The following NLGN4X variants were observed in gnomAD, a reference collection of about 807,000 sequenced individuals.
NLGN4X encodes the protein neuroligin-4, X-linked.
Under a neutral mutation model 40.3 loss-of-function variants are expected in NLGN4X, and 3 were observed. That is an observed-to-expected ratio of 0.07 (90% CI 0.03 to 0.19). The LOEUF (loss-of-function observed/expected upper bound fraction) is 0.19. Among genes scored for constraint, NLGN4X ranks in the 10% least tolerant of loss-of-function variants. The pLI, the probability that NLGN4X is intolerant of heterozygous loss-of-function variation, is 1.00. For missense variants in NLGN4X, 382 were observed against 708.3 expected (o/e 0.54, Z 5.23); for synonymous variants, 270 against 306.8 (o/e 0.88, Z 1.25).
At chrX:6,056,306 T>A (rs1311384284) in intron 2 of NLGN4X, among the ~76,000 whole-genome samples, 1 of 110,923 alleles carries the variant, frequency 9.0e-6, no homozygotes, top group Non-Finnish European at 1.9e-5. Context: ...CAAAACCCCA[T>A]CTCTATTAAA....
chrX:6,069,519 C>T (rs2038007791), intron 2 of NLGN4X, among the ~76,000 whole-genome samples: 1 of 111,724 alleles, frequency 9.0e-6, no homozygotes, highest in South Asian at 3.7e-4. Flanking sequence ...CAAAAATTCA[C>T]TTTAAAATAT....
intron 1 of NLGN4X, among the ~76,000 whole-genome samples, chrX:6,155,071 T>C (rs1465685807): frequency 9.0e-6 from 1 of 111,729 alleles, no homozygotes; most frequent in Non-Finnish European, 1.9e-5. Context: ...TCACATCTCC[T>C]GGGTGTTTAT....
intron 3 of NLGN4X, among the ~76,000 whole-genome samples, chrX:5,985,610 A>G (rs943098487): frequency 2.7e-5 from 3 of 111,554 alleles, no homozygotes; most frequent in Admixed American, 9.6e-5. Flanking sequence ...TTAAAAAGCA[A>G]TTCAAGCAAG....
intron 1 of NLGN4X, among the ~76,000 whole-genome samples, chrX:6,161,497 C>G (rs1050572934): frequency 9.9e-6 from 1 of 101,356 alleles, no homozygotes; most frequent in African/African-American, 3.5e-5. Flanking sequence ...ATTCTATATA[C>G]ATAGAATAAT....
chrX:6,051,522 A>G (rs902752507), intron 2 of NLGN4X, among the ~76,000 whole-genome samples: 3 of 111,139 alleles, frequency 2.7e-5, no homozygotes, highest in Admixed American at 1.9e-4. Context: ...GAAGACAGAC[A>G]TTGAAGTGAC....
chrX:5,973,350 A>T (rs1425344421), intron 3 of NLGN4X, among the ~76,000 whole-genome samples: 1 of 112,685 alleles, frequency 8.9e-6, no homozygotes, highest in Admixed American at 9.4e-5. Flanking sequence ...CACATTTACT[A>T]TCTGGTCCTT....
At chrX:5,961,653 A>T (rs1351203391) in intron 3 of NLGN4X, among the ~76,000 whole-genome samples, 4 of 112,255 alleles carry the variant, frequency 3.6e-5, no homozygotes, top group African/African-American at 6.5e-5. Context: ...CATAAGACAC[A>T]GGAGCTTAAA....
At chrX:5,978,274 TTCTTTCTTTCTTTCTTTCTTTCTTTC>T (rs1485683696) in intron 3 of NLGN4X, among the ~76,000 whole-genome samples, 5 of 1,171 alleles carry the variant, frequency 4.3e-3, no homozygotes, top group Non-Finnish European at 6.5e-3. Flanking sequence ...GTCTCTTTTT[TTCTTTCTTTCTTTCTTTCTTTCTTTC>T]TTTCTTTCTT....
intron 1 of NLGN4X, among the ~76,000 whole-genome samples, chrX:6,185,116 C>T (rs1050209184): frequency 9.8e-5 from 11 of 112,505 alleles, no homozygotes; most frequent in Non-Finnish European, 1.9e-4. Context: ...GTGATACATA[C>T]TTGGCAGCAT....
intron 2 of NLGN4X, among the ~76,000 whole-genome samples, chrX:6,120,620 T>TG (rs2039402015): frequency 8.9e-6 from 1 of 111,982 alleles, no homozygotes; most frequent in African/African-American, 3.2e-5. Flanking sequence ...ACCTGCTGAA[T>TG]GTCAATGCTT....
intron 3 of NLGN4X, among the ~76,000 whole-genome samples, chrX:5,915,018 G>A (rs1024328682): frequency 2.7e-4 from 30 of 112,721 alleles, no homozygotes; most frequent in Non-Finnish European, 5.2e-4. Flanking sequence ...CTGATGCACT[G>A]CATTCAAATT....
intron 1 of NLGN4X, among the ~76,000 whole-genome samples, chrX:6,216,760 C>G (rs1335467528): frequency 8.9e-6 from 1 of 112,189 alleles, no homozygotes; most frequent in Admixed American, 9.4e-5. Flanking sequence ...TAACACCAAT[C>G]AAATTCTGTC....
intron 1 of NLGN4X, among the ~76,000 whole-genome samples, chrX:6,154,893 T>A (rs916419460): frequency 8.9e-6 from 1 of 111,977 alleles, no homozygotes. Flanking sequence ...AGGCTCACAC[T>A]CTTCAGGCCT....
In NLGN4X at chrX:6,046,369, C is replaced by A. The variant is rs926035322; in HGVS notation, c.473-16937G>T. On this transcript the variant is annotated intron_variant, in intron 2 of 5. Coordinates refer to ENST00000381095, the MANE Select transcript of NLGN4X (RefSeq NM_181332.3). Reference sequence around the variant, plus strand: ...CAACTACAGATAATTATAGCTGGAACAAAGGAAGCTTTTTCCCATCATTAC... The same window carrying A: ...CAACTACAGATAATTATAGCTGGAAAAAAGGAAGCTTTTTCCCATCATTAC... 4.5e-5 allele frequency among the ~76,000 whole-genome samples: 5 copies of A among 111,223 alleles called. No homozygotes were observed. In the Admixed American group the frequency reaches 4.8e-4, roughly 11 times the overall value.
At chrX:6,024,015 T>C (rs781546458) in intron 3 of NLGN4X, among the ~76,000 whole-genome samples, 3 of 110,909 alleles carry the variant, frequency 2.7e-5, no homozygotes, top group Admixed American at 1.9e-4. Flanking sequence ...AAAAACAGAT[T>C]GGGGAGAACT....
intron 3 of NLGN4X, among the ~76,000 whole-genome samples, chrX:5,941,180 G>GGGGTGTGT (rs1410112176): frequency 3.4e-5 from 2 of 58,625 alleles, no homozygotes; most frequent in East Asian, 9.0e-4. Context: ...TATGCTAGGG[G>GGGGTGTGT]GTGTGTGTGT....
At chrX:6,218,506 A>T (rs62589887) in intron 1 of NLGN4X, among the ~76,000 whole-genome samples, 29,617 of 108,738 alleles carry the variant, frequency 0.27, 3,674 homozygotes, top group Non-Finnish European at 0.37. Context: ...ACACACACAC[A>T]CACCAGAAGA....
rs1436337411 is a variant in NLGN4X at position 5,891,114 on chromosome X, A to G, written c.*1703T>C. The G allele has an allele frequency of 4.0e-6, 1 of 248,338 alleles. No individual in the cohort carries two copies. The highest frequency in any genetic ancestry group is 7.4e-6 in the Non-Finnish European group (1 of 135,562). 20.5% of individuals were successfully genotyped at this position (248,338 alleles called of 1,213,427 possible). ...TTGCTACTATGTTTCCTTCCACCTTATAACACTCAAAACTTTCCTGAAAAA... is the reference window on the plus strand; with the variant it reads ...TTGCTACTATGTTTCCTTCCACCTTGTAACACTCAAAACTTTCCTGAAAAA... On this transcript the variant is annotated 3_prime_UTR_variant, in exon 6 of 6. Coordinates refer to ENST00000381095, the MANE Select transcript of NLGN4X (RefSeq NM_181332.3).
At chrX:6,077,550 A>G (rs189233422) in intron 2 of NLGN4X, among the ~76,000 whole-genome samples, 1 of 110,691 alleles carries the variant, frequency 9.0e-6, no homozygotes, top group East Asian at 2.8e-4. Context: ...CAGCTTCCCA[A>G]AGTGCTATGA....
Sources: allele counts gnomAD v4.1 joint callset (sites outside exome capture counted in the v4.1 genomes callset), GRCh38; gene constraint gnomAD v4.1.1; transcripts MANE v1.5; gene names NCBI Gene and HGNC (gene_info 2026-07-23, HGNC 2026-07-21).